CPQ: variants seen among roughly 807,000 people sequenced by gnomAD.
The protein encoded by CPQ is Ser-Met dipeptidase.
Under a neutral mutation model 45.7 loss-of-function variants are expected in CPQ, and 37 were observed. The ratio of observed to expected loss-of-function variants is 0.81; its 90% CI spans 0.62 to 1.07. The LOEUF is 1.07. CPQ is among the 50% of genes least tolerant of loss of function. The probability of loss-of-function intolerance (pLI) is 0.00; values close to 1 mark genes in which losing one functional copy is unlikely to be tolerated. For synonymous variants in CPQ, 186 were observed against 205.8 expected (o/e 0.90, Z 0.82); for missense variants, 537 against 572.9 (o/e 0.94, Z 0.64).
At chr8:96,749,206 G>C (rs16895064) in intron 1 of CPQ, among the ~76,000 whole-genome samples, 1 of 151,856 alleles carries the variant, frequency 6.6e-6, no homozygotes. Flanking sequence ...AACCTTATCC[G>C]TCTTACCTTT....
chr8:96,857,890 A>T (rs572184559), intron 3 of CPQ, among the ~76,000 whole-genome samples: 107 of 152,348 alleles, frequency 7.0e-4, no homozygotes, highest in African/African-American at 2.5e-3. Context: ...GCAGTATTCA[A>T]TTCATAATTC....
At chr8:96,964,608 C>A (rs1387677983) in intron 4 of CPQ, among the ~76,000 whole-genome samples, 2 of 151,102 alleles carry the variant, frequency 1.3e-5, no homozygotes, top group African/African-American at 4.9e-5. Flanking sequence ...GACTAGCTTT[C>A]CTAGTTTAAA....
At chr8:96,927,013 G>A (rs961285359) in intron 4 of CPQ, among the ~76,000 whole-genome samples, 3 of 152,226 alleles carry the variant, frequency 2.0e-5, no homozygotes, top group South Asian at 2.1e-4. Flanking sequence ...GAAAATGGGC[G>A]TAAGCTGCAA....
At chr8:97,046,994 T>C (rs962819935) in intron 6 of CPQ, among the ~76,000 whole-genome samples, 3 of 152,190 alleles carry the variant, frequency 2.0e-5, no homozygotes, top group Admixed American at 6.5e-5. Context: ...TTTGTTTTGA[T>C]AGATTTACAG....
At chr8:97,045,694 A>G (rs1430673617) in intron 6 of CPQ, among the ~76,000 whole-genome samples, 4 of 152,184 alleles carry the variant, frequency 2.6e-5, no homozygotes, top group African/African-American at 4.8e-5. Flanking sequence ...AAGTGACCCA[A>G]AGATCATTAG....
intron 1 of CPQ, among the ~76,000 whole-genome samples, chr8:96,702,528 CTAACACTTAAA>C (rs1809477364): frequency 1.3e-5 from 2 of 152,132 alleles, no homozygotes; most frequent in Admixed American, 1.3e-4. Context: ...ATTTTGATAG[CTAACACTTAAA>C]TAGTGCTTAC....
chr8:96,931,018 CCT>C (rs764103626), intron 4 of CPQ, among the ~76,000 whole-genome samples: 3 of 152,158 alleles, frequency 2.0e-5, no homozygotes, highest in Non-Finnish European at 4.4e-5. Context: ...GTGTTCTTCC[CCT>C]GTCTTCTGTC....
chr8:96,647,180 G>C (rs74663849), intron 1 of CPQ, among the ~76,000 whole-genome samples: 6,622 of 152,180 alleles, frequency 0.044, 193 homozygotes, highest in Non-Finnish European at 0.064. Context: ...AAATATTTTT[G>C]CATGCTACAT....
At chr8:96,996,585 G>A (rs1809182401) in intron 5 of CPQ, among the ~76,000 whole-genome samples, 1 of 151,774 alleles carries the variant, frequency 6.6e-6, no homozygotes, top group South Asian at 2.1e-4. Flanking sequence ...GAGTCTTTAG[G>A]GAAATATATT....
At chr8:97,041,897 T>C (rs1460573909) in intron 6 of CPQ, among the ~76,000 whole-genome samples, 1 of 152,264 alleles carries the variant, frequency 6.6e-6, no homozygotes, top group Non-Finnish European at 1.5e-5. Flanking sequence ...CAGTATTTTA[T>C]TGAGGATTTT....
intron 6 of CPQ, 107 bp from the exon 7 acceptor site, chr8:97,065,902 G>T: frequency 1.9e-6 from 2 of 1,060,574 alleles, no homozygotes; most frequent in South Asian, 1.4e-5. Context: ...ATGTGTTTTG[G>T]CACAGCCGTA....
intron 1 of CPQ, among the ~76,000 whole-genome samples, chr8:96,773,228 A>T (rs976931237): frequency 6.6e-6 from 1 of 150,996 alleles, no homozygotes; most frequent in African/African-American, 2.5e-5. Flanking sequence ...ATAAATATTA[A>T]TAGATATTGT....
At chr8:97,094,713 C>T (rs1354250678) in intron 7 of CPQ, among the ~76,000 whole-genome samples, 1 of 152,126 alleles carries the variant, frequency 6.6e-6, no homozygotes, top group Non-Finnish European at 1.5e-5. Context: ...CTTCTCTAAA[C>T]TTTTCCCATC....
At chr8:96,893,547 C>G (rs1185319354) in intron 4 of CPQ, among the ~76,000 whole-genome samples, 2 of 152,048 alleles carry the variant, frequency 1.3e-5, no homozygotes, top group Non-Finnish European at 2.9e-5. Flanking sequence ...TGATATTGTC[C>G]CACATAATCC....
chr8:96,959,407 T>G (rs909720974), intron 4 of CPQ, among the ~76,000 whole-genome samples: 2 of 152,192 alleles, frequency 1.3e-5, no homozygotes, highest in Admixed American at 1.3e-4. Flanking sequence ...GCTTTCTGTC[T>G]AAGGCCTCAG....
intron 1 of CPQ, among the ~76,000 whole-genome samples, chr8:96,742,215 T>C (rs966541941): frequency 1.3e-5 from 2 of 152,200 alleles, no homozygotes; most frequent in African/African-American, 4.8e-5. Context: ...AATTGATCCC[T>C]TTACCATTAA....
At chr8:96,776,525 C>T (rs753184377) in intron 1 of CPQ, among the ~76,000 whole-genome samples, 6 of 152,112 alleles carry the variant, frequency 3.9e-5, no homozygotes, top group Admixed American at 6.6e-5. Context: ...TTTGTCTATT[C>T]GCTCTGGCAT....
At chr8:96,741,720 A>G (rs898807308) in intron 1 of CPQ, among the ~76,000 whole-genome samples, 2 of 151,402 alleles carry the variant, frequency 1.3e-5, no homozygotes, top group African/African-American at 4.9e-5. Context: ...TTCTGCCTTC[A>G]TTTCGTTATG....
At chr8:96,980,046 T>C (rs914778612) in intron 5 of CPQ, among the ~76,000 whole-genome samples, 8 of 152,186 alleles carry the variant, frequency 5.3e-5, no homozygotes, top group Non-Finnish European at 1.0e-4. Context: ...AGAATAAGCA[T>C]GTGCTCTATG....
Sources: allele counts gnomAD v4.1 joint callset (sites outside exome capture counted in the v4.1 genomes callset), GRCh38; gene constraint gnomAD v4.1.1; transcripts MANE v1.5; gene names NCBI Gene and HGNC (gene_info 2026-07-23, HGNC 2026-07-21).